BABAM2: variants seen among roughly 807,000 people sequenced by gnomAD.
BABAM2 encodes BRISC and BRCA1-A complex member 2.
BABAM2 carries 31 observed loss-of-function variants against 54.7 expected under a neutral mutation model. The ratio of observed to expected loss-of-function variants is 0.57; its 90% CI spans 0.43 to 0.77. The LOEUF (loss-of-function observed/expected upper bound fraction) is 0.77, where lower values mean the gene tolerates loss of function less well. Among genes scored for constraint, BABAM2 ranks in the 30% least tolerant of loss-of-function variants. The pLI is 0.00. For missense variants in BABAM2, 364 were observed against 455.8 expected, an observed-to-expected ratio of 0.80 and a Z score of 1.83; for synonymous variants, 167 against 162.9, an observed-to-expected ratio of 1.03 and a Z score of -0.19.
At chr2:28,200,081 T>A (rs993195317) in intron 7 of BABAM2, among the ~76,000 whole-genome samples, 3 of 152,242 alleles carry the variant, frequency 2.0e-5, no homozygotes, top group Non-Finnish European at 2.9e-5. Flanking sequence ...GTTTACCTTC[T>A]TCATACGTAG....
intron 4 of BABAM2, among the ~76,000 whole-genome samples, chr2:28,006,922 C>T (rs1308457397): frequency 6.6e-6 from 1 of 151,684 alleles, no homozygotes; most frequent in African/African-American, 2.4e-5. Context: ...TGGATTAATC[C>T]AATATTCAGA....
chr2:28,209,772 G>A (rs1679253336), intron 7 of BABAM2, among the ~76,000 whole-genome samples: 1 of 152,124 alleles, frequency 6.6e-6, no homozygotes, highest in African/African-American at 2.4e-5. Flanking sequence ...TGATTTTGTT[G>A]ATCAAGCTAT....
intron 3 of BABAM2, among the ~76,000 whole-genome samples, chr2:27,983,942 CTTTTTTTT>C: frequency 6.4e-5 from 2 of 31,138 alleles, no homozygotes; most frequent in African/African-American, 1.4e-4. Flanking sequence ...CATTTTGTAC[CTTTTTTTT>C]TTTTTTTTTT....
At chr2:28,250,564 ACAAT>A (rs1683358568) in intron 10 of BABAM2, among the ~76,000 whole-genome samples, 2 of 145,610 alleles carry the variant, frequency 1.4e-5, no homozygotes, top group East Asian at 4.1e-4. Context: ...ATTACTATAA[ACAAT>A]CATATATATT....
chr2:28,327,276 G>C (rs370258733), intron 11 of BABAM2: 102 of 1,600,200 alleles, frequency 6.4e-5, no homozygotes, highest in Middle Eastern at 1.9e-4. Context: ...TGCACCAGGG[G>C]ATGCCAAGGG....
chr2:28,148,273 C>G (rs561282451), intron 7 of BABAM2, among the ~76,000 whole-genome samples: 1 of 152,200 alleles, frequency 6.6e-6, no homozygotes, highest in Admixed American at 6.5e-5. Context: ...ATGGGCTCCT[C>G]AGAGGCATGT....
chr2:28,254,458 T>A (rs1683783734), intron 10 of BABAM2, among the ~76,000 whole-genome samples: 1 of 151,954 alleles, frequency 6.6e-6, no homozygotes, highest in African/African-American at 2.4e-5. Flanking sequence ...TTGTTTTTTT[T>A]AACTGAATAA....
chr2:27,889,587 C>A (rs1232796332), upstream of BABAM2, among the ~76,000 whole-genome samples: 1 of 152,142 alleles, frequency 6.6e-6, no homozygotes, highest in Non-Finnish European at 1.5e-5. Context: ...CCTAACTCAA[C>A]AATTTTCATT....
chr2:28,164,374 C>T (rs1409640513), intron 7 of BABAM2, among the ~76,000 whole-genome samples: 3 of 152,122 alleles, frequency 2.0e-5, no homozygotes, highest in African/African-American at 7.2e-5. Context: ...TTCTGGGCCA[C>T]TCTGTGGGCT....
At chr2:28,068,043 T>C (rs1020678513) in intron 6 of BABAM2, among the ~76,000 whole-genome samples, 3 of 127,762 alleles carry the variant, frequency 2.3e-5, no homozygotes, top group African/African-American at 6.7e-5. Flanking sequence ...CTTTTTCTAC[T>C]TTTTTTTTTA....
intron 10 of BABAM2, among the ~76,000 whole-genome samples, chr2:28,256,231 AACC>A (rs1683963489): frequency 6.6e-6 from 1 of 152,200 alleles, no homozygotes; most frequent in African/African-American, 2.4e-5. Context: ...CATATCTAAT[AACC>A]ACCATAATTT....
At chr2:28,318,075 A>C (rs1033956086) in intron 11 of BABAM2, among the ~76,000 whole-genome samples, 18 of 152,210 alleles carry the variant, frequency 1.2e-4, no homozygotes, top group Non-Finnish European at 2.4e-4. Flanking sequence ...GTCAATCTCT[A>C]GTTATCCAAG....
rs1050079329 is a variant in BABAM2, at chr2:28,254,277, C to T, written c.934+9415C>T. Among the ~76,000 whole-genome samples the T allele has an allele frequency of 2.5e-4, 38 of 152,142 alleles. 1 individual carries two copies. The highest frequency in any genetic ancestry group is 8.7e-4 in the African/African-American group (36 of 41,430). ...CCAGCCTCCCAAGTATCTGGGACTA[C>T]AGGCATGTGCCACCATGACCAAATA... On this transcript the variant is annotated intron_variant, in intron 10 of 11. Transcript: ENST00000379624.
chr2:28,103,268 G>A (rs922595256), intron 6 of BABAM2, among the ~76,000 whole-genome samples: 1 of 151,924 alleles, frequency 6.6e-6, no homozygotes, highest in Non-Finnish European at 1.5e-5. Flanking sequence ...TGTATTGTGA[G>A]CTGAGTTGAG....
At position 28,329,366 on chromosome 2, in the gene BABAM2, TGCAGC is replaced by T. The variant is rs1690753136; in HGVS notation, c.1089-9083_1089-9079del. On this transcript the variant is annotated intron_variant, in intron 11 of 11. Coordinates refer to ENST00000379624, the MANE Select transcript of BABAM2 (RefSeq NM_199191.3). The surrounding 1 kb of genome is among the most constrained non-coding windows in gnomAD (Gnocchi z 4.2). ...ATAACCCAACTACTCCCACCACCTT[TGCAGC>T]ATTACCACCTCCTACTGAAACTTGC... is the stretch of plus-strand genomic sequence containing the variant. 6.6e-6 allele frequency among the ~76,000 whole-genome samples: 1 copy of T among 152,188 alleles called. No homozygotes were observed.
chr2:28,102,220 G>A lies in BABAM2; in HGVS notation c.571-27051G>A, dbSNP rs114377901. ...TGAATAAATAAATGAATAATGAAAC[G>A]CTTTTTCACTGTGCTTGGGTAATAC... is the stretch of plus-strand genomic sequence containing the variant. On this transcript the variant is annotated intron_variant, in intron 6 of 11. Transcript: ENST00000379624. 3.9e-3 allele frequency among the ~76,000 whole-genome samples: 598 copies of A among 152,238 alleles called. 5 individuals carry two copies. Among genetic ancestry groups the A allele is most frequent in the African/African-American group, 0.013 (552 of 41,538 alleles).
At chr2:28,241,053 T>C (rs1682379165) in intron 8 of BABAM2, among the ~76,000 whole-genome samples, 1 of 152,108 alleles carries the variant, frequency 6.6e-6, no homozygotes, top group Non-Finnish European at 1.5e-5. Flanking sequence ...GAAGAAAGTT[T>C]TATTTTTTAG....
In BABAM2 at chr2:28,260,928, T is replaced by C. The variant is rs1181482707; in HGVS notation, c.934+16066T>C. On this transcript the variant is annotated intron_variant, in intron 10 of 11. Transcript: ENST00000379624. Reference sequence around the variant, plus strand: ...TATCGTGAATGAAGTTTTCAAAATTTTTCATTTTCTTTCTTTTTTTTTTTT... The same window carrying C: ...TATCGTGAATGAAGTTTTCAAAATTCTTCATTTTCTTTCTTTTTTTTTTTT... Among the ~76,000 whole-genome samples the C allele has an allele frequency of 2.8e-5, 4 of 141,138 alleles. No homozygotes were observed. In the East Asian group the frequency reaches 6.5e-4, roughly 23 times the overall value. 92.6% of individuals were successfully genotyped at this position (141,138 alleles called of 152,430 possible). A position where few individuals can be genotyped will look rare whatever the true frequency, so the allele number is the denominator to read the frequency against.
At chr2:28,227,138 AT>A (rs1055273696) in intron 7 of BABAM2, among the ~76,000 whole-genome samples, 94 of 148,280 alleles carry the variant, frequency 6.3e-4, no homozygotes, top group South Asian at 1.3e-3. Flanking sequence ...CAAAGCCCAG[AT>A]TTTTTTTTTT....
Sources: gnomAD v4.1 joint callset for allele counts (sites outside exome capture counted in the v4.1 genomes callset) on GRCh38, gnomAD v4.1.1 for gene constraint, Gnocchi (gnomAD v3.1) non-coding constraint, MANE v1.5 for transcripts, NCBI Gene and HGNC (gene_info 2026-07-23, HGNC 2026-07-21) for gene names.